The following HR variants were observed in gnomAD, a reference collection of about 807,000 sequenced individuals.
The protein encoded by HR is HR lysine demethylase and nuclear receptor corepressor, also known as lysine-specific demethylase hairless.
Under a neutral mutation model 128.6 loss-of-function variants are expected in HR, and 83 were observed. That is an observed-to-expected ratio of 0.65 (90% CI 0.54 to 0.77). The LOEUF (loss-of-function observed/expected upper bound fraction) is 0.77. Ranked by LOEUF, HR falls within the 30% of genes least tolerant of loss-of-function variation. The probability of loss-of-function intolerance (pLI) is 0.00; values close to 1 mark genes in which losing one functional copy is unlikely to be tolerated. For missense variants in HR, 1,490 were observed against 1,574.6 expected (o/e 0.95, Z 0.91); for synonymous variants, 681 against 658.2 (o/e 1.03, Z -0.53).
In HR at chr8:22,122,764, C is replaced by T. The variant is rs76286275; in HGVS notation, c.2005+26G>A. ...TCTCCCTCAGGACCCAACCTCTGCA[C>T]GCCCCACCCCTCCAAGATGGCTCAC... On this transcript the variant is annotated intron_variant, in intron 7 of 18. Transcript: ENST00000381418. The T allele has an allele frequency of 1.3e-3, 2,017 of 1,545,596 alleles. 22 individuals are homozygous for T. The African/African-American group carries it at 0.024, about 18-fold the overall frequency.
rs777595217 is a variant in HR at position 22,120,193 on chromosome 8, G to A, written c.2777-20C>T. The A allele has an allele frequency of 2.8e-5, 45 of 1,593,160 alleles. No individual in the cohort carries two copies. Among genetic ancestry groups the A allele is most frequent in the Middle Eastern group, 1.6e-4 (1 of 6,062 alleles). ...GGCGAACTACAGGAGGAGACAGAAC[G>A]GCCATTGGCCTCCTCAGCCCTGAAG... On this transcript the variant is annotated intron_variant, in intron 12 of 18. Coordinates refer to ENST00000381418, the MANE Select transcript of HR (RefSeq NM_005144.5).
chr8:22,115,698 C>A lies in HR; in HGVS notation c.*2G>T. The A allele has an allele frequency of 1.2e-6, 2 of 1,613,846 alleles. No individual in the cohort carries two copies. The highest frequency in any genetic ancestry group is 1.7e-6 in the Non-Finnish European group (2 of 1,179,862). On this transcript the variant is annotated 3_prime_UTR_variant, in exon 19 of 19. Transcript: ENST00000381418. The stretch of plus-strand genomic sequence containing the variant: ...CCCCGATCCCAGACACCTAGCATCC[C>A]TCTATTTGGCCTCCTGTAATGTCCC...
chr8:22,125,550 G>T (rs758491561), intron 4 of HR, 32 bp downstream of exon 4: 38 of 1,612,822 alleles, frequency 2.4e-5, no homozygotes, highest in Admixed American at 1.0e-4. Context: ...CTGGCGAGGG[G>T]GCACTGGAGG....
intron 5 of HR, among the ~76,000 whole-genome samples, chr8:22,124,435 A>G (rs190452510): frequency 6.6e-6 from 1 of 152,304 alleles, no homozygotes; most frequent in East Asian, 1.9e-4. Context: ...AGACTAAGCC[A>G]TTGTTGGTAG....
intron 2 of HR, 36 bp downstream of exon 2, chr8:22,128,523 C>T: frequency 6.2e-7 from 1 of 1,611,162 alleles, no homozygotes; most frequent in African/African-American, 1.3e-5. Flanking sequence ...TTTGCTAGGC[C>T]AGAGCCACAG....
chr8:22,125,168 C>A, intron 5 of HR, 143 bp downstream of exon 5: 1 of 781,482 alleles, frequency 1.3e-6, no homozygotes, highest in African/African-American at 1.7e-5. Flanking sequence ...CAGTTTGACA[C>A]CTTCCTGATG....
In HR at chr8:22,120,949, T is replaced by C. The variant is rs1474624156; in HGVS notation, c.2377A>G (p.Ile793Val). 1 of 1,591,432 alleles carries C rather than the reference T, an allele frequency of 6.3e-7. No individual in the cohort carries two copies. The highest frequency in any genetic ancestry group is 8.6e-7 in the Non-Finnish European group (1 of 1,168,862). The change falls in exon 11 of 19, where the codon ATC becomes GTC. Residue 793 changes from isoleucine (I) to valine (V), a missense_variant. Ile to Val is a conservative substitution (Grantham distance 29). Coordinates refer to ENST00000381418, the MANE Select transcript of HR (RefSeq NM_005144.5). ...VTPALPSDDR[I>V]TNILDSIIAQ... ...ATAATGCTGTCCAGGATGTTGGTGA[T>C]GCGGTCATCCTGCAGAGAGGGGCAC...
In HR at chr8:22,120,129, C is replaced by T. The variant is rs1198518758; in HGVS notation, c.2821G>A (p.Ala941Thr). Reference sequence around the variant, plus strand: ...CTGCTGGTGTCCTCATCCCCCAAAGCTCGGTGCAGCAGGAGGACAGAGCCC... The same window carrying T: ...CTGCTGGTGTCCTCATCCCCCAAAGTTCGGTGCAGCAGGAGGACAGAGCCC... Reference protein sequence around the residue: ...DEGSVLLLHRALGDEDTSRVE... With the variant: ...DEGSVLLLHRTLGDEDTSRVE... Residue 941 changes from alanine to threonine, a missense_variant, in exon 13 of 19, where the codon GCT becomes ACT. This residue lies in a region of HR where 423 missense variants were observed against 495.9 expected (regional missense o/e 0.85). Transcript: ENST00000381418. The T allele has an allele frequency of 6.3e-7, 1 of 1,592,468 alleles. No homozygotes were observed. The highest frequency in any genetic ancestry group is 1.8e-5 in the Admixed American group (1 of 55,408).
chr8:22,129,078 CG>C lies in HR; in HGVS notation c.92del (p.Pro31ArgfsTer24). 6.3e-7 allele frequency: 1 copy of C among 1,574,970 alleles called. No homozygotes were observed. Among genetic ancestry groups the C allele is most frequent in the Non-Finnish European group, 8.6e-7 (1 of 1,161,898 alleles). ...NGIVRQEPGS[P>X]PRDGLHHGPL... ...GCCCATGGTGCAGTCCATCTCGAGGCGGGCTGCCGGGCTCCTGTCTCACGAT... is the reference window on the plus strand; with the variant it reads ...GCCCATGGTGCAGTCCATCTCGAGGCGGCTGCCGGGCTCCTGTCTCACGAT... On this transcript the variant is annotated frameshift_variant, in exon 2 of 19. Coordinates refer to ENST00000381418, the MANE Select transcript of HR (RefSeq NM_005144.5). LOFTEE classifies it high-confidence loss of function.
At chr8:22,123,616 A>AGGGGGGGGGGGGCCC in intron 6 of HR, 33 bp downstream of exon 6, 1 of 562,346 alleles carries the variant, frequency 1.8e-6, no homozygotes, top group Non-Finnish European at 3.0e-6. Flanking sequence ...TGAGGGCTCC[A>AGGGGGGGGGGGGCCC]TCCCGCCCTC....
Position 22,119,335 on chromosome 8 carries a change from G to A in HR, c.2978-52C>T, listed in dbSNP as rs193127957. 4.5e-5 allele frequency: 73 copies of A among 1,610,620 alleles called. No individual in the cohort carries two copies. In the Middle Eastern group the frequency reaches 5.0e-4, roughly 11 times the overall value. On this transcript the variant is annotated intron_variant, in intron 14 of 18. Coordinates refer to ENST00000381418, the MANE Select transcript of HR (RefSeq NM_005144.5). ...TAGAAATGGAATCAGAGAGCCAGGC[G>A]CGGTTGCTCACGCCTGTAATCCTGG...
intron 3 of HR, among the ~76,000 whole-genome samples, chr8:22,126,808 C>T (rs1018064490): frequency 3.9e-5 from 6 of 152,220 alleles, no homozygotes; most frequent in African/African-American, 1.2e-4. Flanking sequence ...TGTCATTATA[C>T]TGCCACCAAC....
chr8:22,126,995 C>CCCCA, intron 3 of HR, 42 bp downstream of exon 3: 1 of 1,576,028 alleles, frequency 6.3e-7, no homozygotes, highest in Non-Finnish European at 8.6e-7. Flanking sequence ...CCCCGGCTGC[C>CCCCA]CCCTCCCACG....
At chr8:22,123,617 T>TGGGGGGGCGGC in intron 6 of HR, 32 bp downstream of exon 6, 1 of 292,092 alleles carries the variant, frequency 3.4e-6, no homozygotes. Context: ...GAGGGCTCCA[T>TGGGGGGGCGGC]CCCGCCCTCC....
intron 5 of HR, among the ~76,000 whole-genome samples, chr8:22,124,963 G>A (rs1006727621): frequency 3.3e-5 from 5 of 152,176 alleles, no homozygotes; most frequent in African/African-American, 4.8e-5. Flanking sequence ...TCTGTGCTGC[G>A]GAAGGGCGAC....
At chr8:22,124,752 G>A (rs1369380915) in intron 5 of HR, among the ~76,000 whole-genome samples, 2 of 152,208 alleles carry the variant, frequency 1.3e-5, no homozygotes. Flanking sequence ...CAGTGCCAAG[G>A]CCCGAGGGGA....
intron 6 of HR, 32 bp downstream of exon 6, chr8:22,123,617 T>TGGGGGGGC: frequency 2.0e-4 from 58 of 292,064 alleles, no homozygotes; most frequent in Non-Finnish European, 3.1e-4. Flanking sequence ...GAGGGCTCCA[T>TGGGGGGGC]CCCGCCCTCC....
At chr8:22,121,799 T>C (rs970954062) in intron 8 of HR, 105 bp from the exon 9 acceptor site, 1 of 1,199,548 alleles carries the variant, frequency 8.3e-7, no homozygotes, top group Non-Finnish European at 1.2e-6. Flanking sequence ...TTGTCAGTCC[T>C]AAAATCGTGT....
At chr8:22,129,400 G>T (rs1205889844) in intron 1 of HR, among the ~76,000 whole-genome samples, 190 bp from the exon 2 acceptor site, 1 of 152,226 alleles carries the variant, frequency 6.6e-6, no homozygotes, top group African/African-American at 2.4e-5. Flanking sequence ...TCCAGTGTGG[G>T]GATGTTACCC....
Sources: gnomAD v4.1 joint callset for allele counts (sites outside exome capture counted in the v4.1 genomes callset) on GRCh38, gnomAD v4.1.1 for gene constraint, gnomAD v4.1.1 regional missense constraint, MANE v1.5 for transcripts, NCBI Gene and HGNC (gene_info 2026-07-23, HGNC 2026-07-21) for gene names.